Variants in MSH4 observed in about 807,000 individuals in gnomAD.
MSH4 encodes the protein mutS protein homolog 4.
MSH4 carries 106 observed loss-of-function variants against 113.7 expected under a neutral mutation model. The ratio of observed to expected loss-of-function variants is 0.93; its 90% CI spans 0.80 to 1.10. The LOEUF is 1.10. MSH4 is among the 50% of genes least tolerant of loss of function. MSH4 has a pLI of 0.00. For synonymous variants in MSH4, 368 were observed against 380.2 expected (o/e 0.97, Z 0.37); for missense variants, 1,061 against 1,093.7 (o/e 0.97, Z 0.42).
At chr1:75,827,716 G>A (rs1650588032) in intron 7 of MSH4, among the ~76,000 whole-genome samples, 1 of 150,824 alleles carries the variant, frequency 6.6e-6, no homozygotes, top group South Asian at 2.1e-4. Context: ...CCTAGTCTCT[G>A]ATAAAATGGA....
intron 9 of MSH4, among the ~76,000 whole-genome samples, chr1:75,872,801 T>A (rs1651743195): frequency 6.6e-6 from 1 of 152,224 alleles, no homozygotes; most frequent in Admixed American, 6.5e-5. Flanking sequence ...TTATAGTGAT[T>A]GAGCATCTGC....
intron 9 of MSH4, among the ~76,000 whole-genome samples, chr1:75,868,222 C>A (rs1340957132): frequency 6.6e-6 from 1 of 152,170 alleles, no homozygotes; most frequent in African/African-American, 2.4e-5. Context: ...TCAAGAGGCA[C>A]ATAATGCCAT....
At position 75,912,702 on chromosome 1, in the gene MSH4, C is replaced by G. The variant is rs372619988; in HGVS notation, c.2626C>G (p.Gln876Glu). Residue 876 changes from glutamine to glutamate, a missense_variant, in exon 20 of 20, where the codon CAA becomes GAA. Gln to Glu is a conservative substitution (Grantham distance 29, BLOSUM62 2). Transcript: ENST00000263187. ...TTTTTTTTTTCAATGACAGCAAAACCAAAGGAGTACCCCTGAGATGGAAAG... is the reference window on the plus strand; with the variant it reads ...TTTTTTTTTTCAATGACAGCAAAACGAAAGGAGTACCCCTGAGATGGAAAG... Reference protein sequence around the residue: ...TQITRQILQNQRSTPEMERQR... With the variant: ...TQITRQILQNERSTPEMERQR... 2.2e-5 allele frequency: 33 copies of G among 1,498,768 alleles called. 1 individual carries two copies. In the African/African-American group the frequency reaches 3.7e-4, roughly 17 times the overall value. The allele number at this position is 1,498,768 out of a possible 1,614,324, so 92.8% of individuals were successfully genotyped here. A position where few individuals can be genotyped will look rare whatever the true frequency, so the allele number is the denominator to read the frequency against.
At chr1:75,891,331 T>C (rs994524342) in intron 17 of MSH4, among the ~76,000 whole-genome samples, 2 of 152,208 alleles carry the variant, frequency 1.3e-5, no homozygotes. Flanking sequence ...TCACTCACAA[T>C]ATATACAGAT....
intron 6 of MSH4, among the ~76,000 whole-genome samples, chr1:75,820,240 G>A: frequency 6.6e-6 from 1 of 152,202 alleles, no homozygotes; most frequent in East Asian, 1.9e-4. Context: ...TATAAAAGAA[G>A]TCATAAAGTG....
rs1428879876 is a variant in MSH4, at chr1:75,809,606, C to G, written c.589-1091C>G. ...GTTAATCTGTACCAGTGTGGCCATACTGATTGTATTGCCATAGTTACCCTT... is the reference window on the plus strand; with the variant it reads ...GTTAATCTGTACCAGTGTGGCCATAGTGATTGTATTGCCATAGTTACCCTT... On this transcript the variant is annotated intron_variant, in intron 3 of 19. Coordinates refer to ENST00000263187, the MANE Select transcript of MSH4 (RefSeq NM_002440.4). Among the ~76,000 whole-genome samples, 3 of 147,756 alleles carry G rather than the reference C, an allele frequency of 2.0e-5. No individual in the cohort carries two copies. In the Admixed American group the frequency reaches 2.0e-4, roughly 10 times the overall value.
intron 7 of MSH4, among the ~76,000 whole-genome samples, chr1:75,846,109 C>CTATGCCAGAATTAAGGAAGCATT (rs5745396): frequency 0.21 from 31,190 of 151,946 alleles, 3,737 homozygotes; most frequent in African/African-American, 0.3. Context: ...TTCCAAGGTG[C>CTATGCCAGAATTAAGGAAGCATT]TGCAGGGCAG....
At chr1:75,837,925 G>A (rs1650868113) in intron 7 of MSH4, among the ~76,000 whole-genome samples, 1 of 152,088 alleles carries the variant, frequency 6.6e-6, no homozygotes, top group Admixed American at 6.6e-5. Flanking sequence ...TCTTATAAGA[G>A]CCTCCTATTT....
Position 75,880,782 on chromosome 1 carries a change from G to A in MSH4, c.1782-464G>A, listed in dbSNP as rs138788596. ...TATTATTCAGATATTGTGTCTGTGT[G>A]CATGTGTGTGAGTGAGAGAACAAGA... is the stretch of plus-strand genomic sequence containing the variant. On this transcript the variant is annotated intron_variant, in intron 13 of 19. Coordinates refer to ENST00000263187, the MANE Select transcript of MSH4 (RefSeq NM_002440.4). 9.8e-4 allele frequency among the ~76,000 whole-genome samples: 149 copies of A among 152,056 alleles called. 1 individual carries two copies. The highest frequency in any genetic ancestry group is 3.5e-3 in the African/African-American group (144 of 41,518).
intron 7 of MSH4, among the ~76,000 whole-genome samples, chr1:75,829,660 T>C: frequency 6.6e-6 from 1 of 152,164 alleles, no homozygotes; most frequent in East Asian, 1.9e-4. Context: ...CTGCTGGTGA[T>C]ACCCAGGCAA....
rs1651857181 is a variant in MSH4 at position 75,878,253 on chromosome 1, C to G, written c.1475C>G (p.Ser492Cys). Residue 492 changes from serine to cysteine, a missense_variant, in exon 11 of 20, where the codon TCT (serine) becomes TGT (cysteine). Physicochemically the swap from Ser to Cys is moderately radical, Grantham distance 112. Coordinates refer to ENST00000263187, the MANE Select transcript of MSH4 (RefSeq NM_002440.4). ...MRTQKCYAVR[S>C]NINEFLDIAR... Reference sequence around the variant, plus strand: ...ACTCAGAAGTGCTATGCAGTGAGGTCTAACATAAATGAATTTCTTGACATA... The same window carrying G: ...ACTCAGAAGTGCTATGCAGTGAGGTGTAACATAAATGAATTTCTTGACATA... 2 of 1,608,828 alleles carry G rather than the reference C, an allele frequency of 1.2e-6. No individual in the cohort carries two copies. The highest frequency in any genetic ancestry group is 1.7e-6 in the Non-Finnish European group (2 of 1,178,718).
chr1:75,868,552 T>A (rs980960385), intron 9 of MSH4, among the ~76,000 whole-genome samples: 25 of 152,258 alleles, frequency 1.6e-4, no homozygotes, highest in African/African-American at 5.1e-4. Flanking sequence ...AACTTTGTTA[T>A]AGAGATTATT....
chr1:75,827,156 C>T (rs952277845), intron 7 of MSH4, among the ~76,000 whole-genome samples: 3 of 152,116 alleles, frequency 2.0e-5, no homozygotes, highest in Admixed American at 1.3e-4. Context: ...AGAAACCCTA[C>T]AAGCAAGAAG....
intron 17 of MSH4, among the ~76,000 whole-genome samples, chr1:75,895,752 T>C (rs1436066197): frequency 2.0e-5 from 3 of 152,192 alleles, no homozygotes; most frequent in African/African-American, 4.8e-5. Flanking sequence ...CATCACTCAG[T>C]GACGTTACCT....
chr1:75,858,431 A>G (rs984152872), intron 8 of MSH4, among the ~76,000 whole-genome samples: 22 of 152,196 alleles, frequency 1.4e-4, no homozygotes, highest in Admixed American at 4.6e-4. Flanking sequence ...TTATGTTGAG[A>G]TACATTCCAT....
At chr1:75,904,347 G>C (rs991398906) in intron 19 of MSH4, among the ~76,000 whole-genome samples, 1 of 151,980 alleles carries the variant, frequency 6.6e-6, no homozygotes, top group African/African-American at 2.4e-5. Context: ...TCATAGTCTG[G>C]TTTTGATATC....
In MSH4 at chr1:75,807,035, T is replaced by C. The variant is rs1180482533; in HGVS notation, c.482T>C (p.Val161Ala). ...TCCCCATCAGTTATTGTAGCTGTTG[T>C]AGAAGGGAGAGGACTTGCCAGAGGT... ...AHSPSVIVAV[V>A]EGRGLARGEI... is the part of the protein sequence containing the mutation. Residue 161 changes from valine to alanine, a missense_variant, in exon 3 of 20, where the codon GTA (valine) becomes GCA (alanine). Coordinates refer to ENST00000263187, the MANE Select transcript of MSH4 (RefSeq NM_002440.4). 6.3e-7 allele frequency: 1 copy of C among 1,588,622 alleles called. No individual in the cohort carries two copies. Among genetic ancestry groups the C allele is most frequent in the Non-Finnish European group, 8.5e-7 (1 of 1,172,426 alleles).
At chr1:75,910,977 A>T (rs996021580) in intron 19 of MSH4, among the ~76,000 whole-genome samples, 2 of 151,916 alleles carry the variant, frequency 1.3e-5, no homozygotes, top group African/African-American at 4.8e-5. Flanking sequence ...TAGTTTGCCT[A>T]CTCAGAAACT....
chr1:75,873,079 T>A (rs969995187), intron 9 of MSH4, among the ~76,000 whole-genome samples: 2 of 152,244 alleles, frequency 1.3e-5, no homozygotes, highest in Non-Finnish European at 2.9e-5. Flanking sequence ...GTGTCTTTGC[T>A]GTTTTCAAGG....
Sources: allele counts gnomAD v4.1 joint callset (sites outside exome capture counted in the v4.1 genomes callset), GRCh38; gene constraint gnomAD v4.1.1; transcripts MANE v1.5; gene names NCBI Gene and HGNC (gene_info 2026-07-23, HGNC 2026-07-21).